MBTD1: variants seen among roughly 807,000 people sequenced by gnomAD.
MBTD1 encodes mbt domain containing 1, also known as MBT domain-containing protein 1.
MBTD1 carries 24 observed loss-of-function variants against 87.8 expected under a neutral mutation model. The observed-to-expected ratio is 0.27, with a 90% confidence interval of 0.20 to 0.38. MBTD1 has a LOEUF of 0.38. Among genes scored for constraint, MBTD1 ranks in the 10% least tolerant of loss-of-function variants. MBTD1 has a pLI of 1.00. For synonymous variants in MBTD1, 237 were observed against 248.6 expected, an observed-to-expected ratio of 0.95 and a Z score of 0.44; for missense variants, 436 against 760.2, an observed-to-expected ratio of 0.57 and a Z score of 5.02.
chr17:51,214,252 C>T (rs2052439789), intron 6 of MBTD1, among the ~76,000 whole-genome samples: 1 of 152,120 alleles, frequency 6.6e-6, no homozygotes, highest in Non-Finnish European at 1.5e-5. Flanking sequence ...CAGGTATAAA[C>T]CATTGTGCCC....
chr17:51,183,892 A>G (rs972417211), intron 16 of MBTD1: 4 of 152,266 alleles, frequency 2.6e-5, no homozygotes, highest in Non-Finnish European at 5.9e-5. Context: ...ATCTTGTTCT[A>G]TGATGACTGG....
chr17:51,258,385 C>G (rs2055216645), intron 2 of MBTD1, among the ~76,000 whole-genome samples: 1 of 152,144 alleles, frequency 6.6e-6, no homozygotes, highest in African/African-American at 2.4e-5. Context: ...TTTCAACTAT[C>G]TCAACCACCC....
At chr17:51,214,575 G>T (rs2052458648) in intron 6 of MBTD1, among the ~76,000 whole-genome samples, 1 of 152,138 alleles carries the variant, frequency 6.6e-6, no homozygotes, top group Non-Finnish European at 1.5e-5. Flanking sequence ...AGAAGAGGTT[G>T]GGTTAAGTTA....
At chr17:51,196,162 G>A (rs562925803) in intron 12 of MBTD1, among the ~76,000 whole-genome samples, 1 of 151,058 alleles carries the variant, frequency 6.6e-6, no homozygotes, top group African/African-American at 2.4e-5. Context: ...TCCTTCTGCC[G>A]TGGCCTCCCA....
At chr17:51,227,241 CCAAAAAAAAAAAAAAAAAA>C (rs2053276451) in intron 2 of MBTD1, among the ~76,000 whole-genome samples, 1 of 18,384 alleles carries the variant, frequency 5.4e-5, no homozygotes, top group Non-Finnish European at 9.7e-5. Flanking sequence ...GACTCTGTCT[CCAAAAAAAAAAAAAAAAAA>C]AAAAAAAATT....
At chr17:51,260,615 C>G (rs757348078), upstream of MBTD1, 2 of 1,612,606 alleles carry the variant, frequency 1.2e-6, no homozygotes, top group East Asian at 2.2e-5. Flanking sequence ...ACGAATGAAA[C>G]TGGACCGGAG....
At position 51,179,769 on chromosome 17, in the gene MBTD1, T is replaced by A. The variant is rs1005957571; in HGVS notation, c.*807A>T. The A allele has an allele frequency of 6.6e-6, 1 of 150,874 alleles. No homozygotes were observed. Among genetic ancestry groups the A allele is most frequent in the East Asian group, 1.9e-4 (1 of 5,142 alleles). The allele number at this position is 150,874 out of a possible 1,614,324, so 9.3% of individuals were successfully genotyped here. A position where few individuals can be genotyped will look rare whatever the true frequency, so the allele number is the denominator to read the frequency against. On this transcript the variant is annotated 3_prime_UTR_variant, in exon 17 of 17. Coordinates refer to ENST00000586178, the MANE Select transcript of MBTD1 (RefSeq NM_017643.3). ...TGATCAGAATCCCTTTCGTGGGGTA[T>A]TTTTTTTAGAAAGGAAAATAAACTA...
At chr17:51,205,547 T>C (rs977939607) in intron 7 of MBTD1, among the ~76,000 whole-genome samples, 2 of 152,090 alleles carry the variant, frequency 1.3e-5, no homozygotes, top group African/African-American at 4.8e-5. Flanking sequence ...AAGAAAAAGA[T>C]GGGGAATTGA....
At position 51,203,774 on chromosome 17, in the gene MBTD1, GTAAA is replaced by G. The variant is rs2051637565; in HGVS notation, c.739+13_739+16del. On this transcript the variant is annotated intron_variant, in intron 8 of 16. Coordinates refer to ENST00000586178, the MANE Select transcript of MBTD1 (RefSeq NM_017643.3). ...CACATATAAAAAAATTACGGTAAGG[GTAAA>G]TAAACTACTTACTTCTAGGAGGAAC... is the stretch of plus-strand genomic sequence containing the variant. 6.2e-7 allele frequency: 1 copy of G among 1,601,974 alleles called. No individual in the cohort carries two copies. Among genetic ancestry groups the G allele is most frequent in the Non-Finnish European group, 8.5e-7 (1 of 1,176,490 alleles).
chr17:51,225,313 G>A (rs1349060340), intron 2 of MBTD1, 104 bp from the exon 3 acceptor site: 5 of 513,476 alleles, frequency 9.7e-6, no homozygotes, highest in Non-Finnish European at 1.3e-5. Flanking sequence ...AAATGAAAAC[G>A]CAGCCCTGAG....
chr17:51,218,147 C>T (rs1319560066), intron 5 of MBTD1, among the ~76,000 whole-genome samples: 5 of 152,106 alleles, frequency 3.3e-5, no homozygotes, highest in African/African-American at 1.2e-4. Flanking sequence ...CTTCTATTTA[C>T]TCACTTATTG....
At chr17:51,222,079 A>G (rs546975363) in intron 3 of MBTD1, among the ~76,000 whole-genome samples, 2 of 152,324 alleles carry the variant, frequency 1.3e-5, no homozygotes, top group Non-Finnish European at 2.9e-5. Context: ...TTGTGATCCC[A>G]AGGAAACAGT....
intron 2 of MBTD1, among the ~76,000 whole-genome samples, chr17:51,232,660 A>G (rs971418101): frequency 1.3e-5 from 2 of 152,154 alleles, no homozygotes; most frequent in East Asian, 1.9e-4. Context: ...TAAAAGTCTA[A>G]TAAGAATTCT....
At chr17:51,184,160 T>C (rs1007292380) in intron 16 of MBTD1, 1 of 152,236 alleles carries the variant, frequency 6.6e-6, no homozygotes, top group African/African-American at 2.4e-5. Flanking sequence ...TAATGTAAAG[T>C]TTCACTGTTT....
Position 51,259,866 on chromosome 17 carries a change from T to C in MBTD1, c.-144A>G, listed in dbSNP as rs2055367000. 2.4e-6 allele frequency: 3 copies of C among 1,231,566 alleles called. No individual in the cohort carries two copies. The highest frequency in any genetic ancestry group is 3.0e-6 in the Non-Finnish European group (3 of 987,718). The allele number at this position is 1,231,566 out of a possible 1,614,324, so 76.3% of individuals were successfully genotyped here. On this transcript the variant is annotated 5_prime_UTR_variant, in exon 1 of 17. It removes an upstream start codon present in the reference 5' UTR. Transcript: ENST00000586178. The stretch of plus-strand genomic sequence containing the variant: ...CTTTGTGTTTTCCATCAGGGCCTCA[T>C]GGGTAGGGGTTGTCCGTGCTCCCCG...
intron 2 of MBTD1, among the ~76,000 whole-genome samples, chr17:51,246,254 T>C (rs1293175616): frequency 6.6e-6 from 1 of 152,200 alleles, no homozygotes; most frequent in East Asian, 1.9e-4. Flanking sequence ...GATAATTTTA[T>C]ACAGTATAAA....
chr17:51,259,470 C>G (rs1466913494), intron 1 of MBTD1, among the ~76,000 whole-genome samples: 3 of 152,072 alleles, frequency 2.0e-5, no homozygotes, highest in Non-Finnish European at 4.4e-5. Context: ...GAAGAGAGGA[C>G]TACTCCACTC....
Position 51,260,043 on chromosome 17 carries a change from C to G in MBTD1, c.-321G>C, listed in dbSNP as rs1598466253. The G allele has an allele frequency of 4.8e-6, 2 of 414,018 alleles. No individual in the cohort carries two copies. The highest frequency in any genetic ancestry group is 8.3e-6 in the Non-Finnish European group (2 of 242,346). 25.6% of individuals were successfully genotyped at this position (414,018 alleles called of 1,614,324 possible). On this transcript the variant is annotated 5_prime_UTR_variant, in exon 1 of 17. Coordinates refer to ENST00000586178, the MANE Select transcript of MBTD1 (RefSeq NM_017643.3). ...AACTCGGGTGGCCCCAGGATATCAA[C>G]AACATTAGCATAGCCCTCCCTCCCC...
intron 2 of MBTD1, among the ~76,000 whole-genome samples, chr17:51,248,316 T>C (rs1598432064): frequency 6.6e-6 from 1 of 152,360 alleles, no homozygotes; most frequent in East Asian, 1.9e-4. Flanking sequence ...TGTAAGTGTT[T>C]AGGGCTATGA....
Sources: allele counts gnomAD v4.1 joint callset (sites outside exome capture counted in the v4.1 genomes callset), GRCh38; gene constraint gnomAD v4.1.1; transcripts MANE v1.5; gene names NCBI Gene and HGNC (gene_info 2026-07-23, HGNC 2026-07-21).